The following SULF1 variants were observed in gnomAD, a reference collection of about 807,000 sequenced individuals.
The protein encoded by SULF1 is sulfatase 1.
SULF1 carries 46 observed loss-of-function variants against 110.5 expected under a neutral mutation model. That is an observed-to-expected ratio of 0.42 (90% CI 0.33 to 0.53). The LOEUF is 0.53. Among genes scored for constraint, SULF1 ranks in the 20% least tolerant of loss-of-function variants. The pLI is 0.12. For synonymous variants in SULF1, 371 were observed against 387.1 expected (o/e 0.96, Z 0.49); for missense variants, 941 against 1,094.2 (o/e 0.86, Z 1.98).
At chr8:69,506,312 G>A (rs561327928) in intron 3 of SULF1, among the ~76,000 whole-genome samples, 1 of 152,120 alleles carries the variant, frequency 6.6e-6, no homozygotes, top group African/African-American at 2.4e-5. Flanking sequence ...TTTAATGATG[G>A]TTTTTAAATT....
rs1232723756 is a variant in SULF1 at position 69,481,657 on chromosome 8, G to A, written c.-390-14108G>A. ...CAGGCCCCGGTGTGTGTTGCTCCCCGCCATTGTGTCCATGTGTTCTCATCA... is the reference window on the plus strand; with the variant it reads ...CAGGCCCCGGTGTGTGTTGCTCCCCACCATTGTGTCCATGTGTTCTCATCA... On this transcript the variant is annotated intron_variant, in intron 1 of 22. Coordinates refer to the SULF1 transcript ENST00000260128. 3.3e-5 allele frequency among the ~76,000 whole-genome samples: 5 copies of A among 151,922 alleles called. No homozygotes were observed. The East Asian group carries it at 9.7e-4, about 29-fold the overall frequency.
Position 69,525,801 on chromosome 8 carries a change from A to G in SULF1, c.-134+23833A>G, listed in dbSNP as rs540635129. 2.0e-5 allele frequency among the ~76,000 whole-genome samples: 3 copies of G among 152,278 alleles called. No homozygotes were observed. The East Asian group carries it at 5.8e-4, about 29-fold the overall frequency. ...CAGGTTCCACTCTCAGGGAGCTTACATTCTCAGATGACCACAATCTGCCCC... is the reference window on the plus strand; with the variant it reads ...CAGGTTCCACTCTCAGGGAGCTTACGTTCTCAGATGACCACAATCTGCCCC... On this transcript the variant is annotated intron_variant, in intron 3 of 22. Transcript: ENST00000402687.
In SULF1 at chr8:69,658,786, A is replaced by G. The variant is rs1224520438; in HGVS notation, c.*251A>G. 1.6e-6 allele frequency: 1 copy of G among 639,918 alleles called. No individual in the cohort carries two copies. Among genetic ancestry groups the G allele is most frequent in the East Asian group, 3.1e-5 (1 of 31,998 alleles). The allele number at this position is 639,918 out of a possible 1,614,324, so 39.6% of individuals were successfully genotyped here. The stretch of plus-strand genomic sequence containing the variant: ...TGCTGAGCACGCTGTGTCAATGGAG[A>G]TGGCCTCTGCTGACTCAGATGAAGA... On this transcript the variant is annotated 3_prime_UTR_variant, in exon 23 of 23. Transcript: ENST00000402687.
At chr8:69,577,346 T>C (rs958692145) in intron 6 of SULF1, among the ~76,000 whole-genome samples, 3 of 152,204 alleles carry the variant, frequency 2.0e-5, no homozygotes, top group African/African-American at 4.8e-5. Flanking sequence ...AGATGGCAAA[T>C]GTACTTGGCT....
At chr8:69,610,460 A>G (rs1484037011) in intron 13 of SULF1, among the ~76,000 whole-genome samples, 2 of 152,206 alleles carry the variant, frequency 1.3e-5, no homozygotes, top group Admixed American at 6.5e-5. Flanking sequence ...AAATGGCAGC[A>G]TGGCTCATAG....
At chr8:69,592,313 T>G (rs1456179167) in intron 8 of SULF1, among the ~76,000 whole-genome samples, 1 of 152,024 alleles carries the variant, frequency 6.6e-6, no homozygotes, top group African/African-American at 2.4e-5. Flanking sequence ...ATATTGAGGG[T>G]GTCAGTGAGT....
intron 8 of SULF1, chr8:69,597,679 C>A (rs936576406): frequency 2.6e-5 from 4 of 152,132 alleles, no homozygotes; most frequent in Non-Finnish European, 5.9e-5. Flanking sequence ...CCACTGTGAG[C>A]CTGCATTTCA....
chr8:69,600,833 G>A, intron 9 of SULF1, 80 bp downstream of exon 9: 1 of 1,453,210 alleles, frequency 6.9e-7, no homozygotes. Context: ...ATCCTGTTTG[G>A]TTTTTTCCCC....
chr8:69,627,850 A>G lies in SULF1; in HGVS notation c.2026A>G (p.Ser676Gly), dbSNP rs1376824401. 1.2e-6 allele frequency: 2 copies of G among 1,612,856 alleles called. No individual in the cohort carries two copies. Among genetic ancestry groups the G allele is most frequent in the Admixed American group, 1.7e-5 (1 of 59,850 alleles). ...HLKRRKPEEC[S>G]CSKQSYYNKE... ...GAAGAGAAGGAAGCCTGAGGAATGT[A>G]GCTGCAGTAAACAAAGGTGAGCTTG... The change falls in exon 17 of 23, where the codon AGC becomes GGC. Residue 676 changes from serine to glycine, a missense_variant. Ser to Gly is a moderately conservative substitution (Grantham distance 56). Transcript: ENST00000402687.
intron 1 of SULF1, among the ~76,000 whole-genome samples, chr8:69,486,744 T>C (rs911860340): frequency 9.9e-5 from 15 of 152,202 alleles, no homozygotes; most frequent in African/African-American, 2.4e-4. Flanking sequence ...TGTCTCAGAC[T>C]TGTCCCTTGG....
chr8:69,641,878 C>T (rs1811503843), intron 22 of SULF1, among the ~76,000 whole-genome samples: 3 of 152,174 alleles, frequency 2.0e-5, no homozygotes, highest in South Asian at 2.1e-4. Flanking sequence ...CCATCCCTCA[C>T]TGTGCTCTGG....
In SULF1 at chr8:69,545,084, TC is replaced by T. The variant is rs1814156591; in HGVS notation, c.-133-18454del. 6.1e-5 allele frequency among the ~76,000 whole-genome samples: 5 copies of T among 82,250 alleles called. No individual in the cohort carries two copies. In the South Asian group the frequency reaches 2.1e-3, roughly 35 times the overall value. The allele number at this position is 82,250 out of a possible 152,430, so 54.0% of individuals were successfully genotyped here. On this transcript the variant is annotated intron_variant, in intron 3 of 22. Coordinates refer to ENST00000402687, the MANE Select transcript of SULF1 (RefSeq NM_001128205.2). ...AAAAATTATAAAAAGATAAAGGAAT[TC>T]TTTTTTTTTTTTTTTCATTTCTATG...
chr8:69,575,233 C>T (rs1240790210), intron 5 of SULF1, among the ~76,000 whole-genome samples: 5 of 150,868 alleles, frequency 3.3e-5, no homozygotes, highest in Admixed American at 3.3e-4. Flanking sequence ...AGCAATCTTA[C>T]GTTACCAGTT....
rs781195021 is a variant in SULF1 at position 69,564,082 on chromosome 8, A to G, written c.107A>G (p.Gln36Arg). The G allele has an allele frequency of 6.2e-7, 1 of 1,614,208 alleles. No individual in the cohort carries two copies. Among genetic ancestry groups the G allele is most frequent in the South Asian group, 1.1e-5 (1 of 91,086 alleles). Residue 36 changes from glutamine (Q) to arginine (R), a missense_variant, in exon 5 of 23, where the codon CAG becomes CGG. Gln to Arg is a conservative substitution (Grantham distance 43). Coordinates refer to ENST00000402687, the MANE Select transcript of SULF1 (RefSeq NM_001128205.2). The stretch of plus-strand genomic sequence containing the variant: ...CCGAGGTTCAGAGGACGGATACAGC[A>G]GGAACGAAAAAACATCCGACCCAAC... Reference protein sequence around the residue: ...RSPRFRGRIQQERKNIRPNII... With the variant: ...RSPRFRGRIQRERKNIRPNII...
chr8:69,594,212 C>T (rs1021477384), intron 8 of SULF1, among the ~76,000 whole-genome samples: 5 of 152,040 alleles, frequency 3.3e-5, no homozygotes, highest in Admixed American at 1.3e-4. Flanking sequence ...CCACCACGCT[C>T]GGCTAATTTT....
chr8:69,582,306 T>G (rs1384296141), intron 6 of SULF1, among the ~76,000 whole-genome samples: 27 of 152,244 alleles, frequency 1.8e-4, no homozygotes, highest in Admixed American at 1.8e-3. Context: ...TATTTTCAAG[T>G]GCACAAGTGC....
intron 5 of SULF1, among the ~76,000 whole-genome samples, chr8:69,573,798 G>A (rs1383972823): frequency 6.6e-6 from 1 of 152,162 alleles, no homozygotes; most frequent in Non-Finnish European, 1.5e-5. Flanking sequence ...CTAAAATGGG[G>A]TTTTAAAATC....
intron 3 of SULF1, among the ~76,000 whole-genome samples, chr8:69,560,815 C>T (rs1244074362): frequency 6.6e-6 from 1 of 152,130 alleles, no homozygotes; most frequent in African/African-American, 2.4e-5. Flanking sequence ...AAAGAATTGT[C>T]TGTGTGCAGT....
chr8:69,471,567 T>A (rs886661356), intron 1 of SULF1, among the ~76,000 whole-genome samples: 2 of 152,232 alleles, frequency 1.3e-5, no homozygotes, highest in African/African-American at 4.8e-5. Flanking sequence ...TATTGGCTGC[T>A]GCTCTATCAT....
Sources: gnomAD v4.1 joint callset for allele counts (sites outside exome capture counted in the v4.1 genomes callset) on GRCh38, gnomAD v4.1.1 for gene constraint, MANE v1.5 for transcripts, NCBI Gene and HGNC (gene_info 2026-07-23, HGNC 2026-07-21) for gene names.